Variants in NR3C2 observed in about 807,000 individuals in gnomAD.
NR3C2 encodes the protein nuclear receptor subfamily 3 group C member 2, also known as mineralocorticoid receptor.
NR3C2 carries 15 observed loss-of-function variants against 86.4 expected under a neutral mutation model. That is an observed-to-expected ratio of 0.17 (90% CI 0.12 to 0.27). The LOEUF is 0.27. Ranked by LOEUF, NR3C2 falls within the 10% of genes least tolerant of loss-of-function variation. The pLI is 1.00. For synonymous variants in NR3C2, 458 were observed against 450.5 expected (o/e 1.02, Z -0.21); for missense variants, 960 against 1,195.6 (o/e 0.80, Z 2.91).
At chr4:148,326,408 T>C (rs914133137) in intron 2 of NR3C2, among the ~76,000 whole-genome samples, 4 of 151,156 alleles carry the variant, frequency 2.6e-5, no homozygotes, top group African/African-American at 9.7e-5. Flanking sequence ...CTCAAATAAA[T>C]AAATAAATAA....
chr4:148,287,923 T>TTTA (rs1477452577), intron 2 of NR3C2, among the ~76,000 whole-genome samples: 1 of 152,160 alleles, frequency 6.6e-6, no homozygotes, highest in Non-Finnish European at 1.5e-5. Context: ...GAAATACTTT[T>TTTA]TAAAAACACT....
chr4:148,372,887 C>T (rs1746488225), intron 2 of NR3C2, among the ~76,000 whole-genome samples: 1 of 152,158 alleles, frequency 6.6e-6, no homozygotes, highest in Non-Finnish European at 1.5e-5. Context: ...GCCAGGAGTG[C>T]AACCCTCTCT....
At chr4:148,407,458 T>C (rs956964893) in intron 2 of NR3C2, among the ~76,000 whole-genome samples, 12 of 152,016 alleles carry the variant, frequency 7.9e-5, no homozygotes, top group Admixed American at 7.9e-4. Context: ...CTCAAACATA[T>C]AATTAGTTTT....
intron 3 of NR3C2, chr4:148,208,627 TC>T (rs200258766): frequency 0.019 from 2,852 of 152,330 alleles, 40 homozygotes; most frequent in Middle Eastern, 0.037. Flanking sequence ...TGCAGTCTCC[TC>T]CTACACCCAA....
chr4:148,187,186 G>A (rs1313211819), intron 4 of NR3C2, among the ~76,000 whole-genome samples: 3 of 151,618 alleles, frequency 2.0e-5, no homozygotes, highest in South Asian at 2.1e-4. Context: ...GCGTGTACAA[G>A]TATATCTTTC....
chr4:148,435,563 T>G lies in NR3C2; in HGVS notation c.1298A>C (p.Lys433Thr), dbSNP rs915790262. 2 of 1,614,110 alleles carry G rather than the reference T, an allele frequency of 1.2e-6. No homozygotes were observed. The highest frequency in any genetic ancestry group is 1.7e-6 in the Non-Finnish European group (2 of 1,180,024). Residue 433 changes from lysine (K) to threonine (T), a missense_variant, in exon 2 of 9, where the codon AAG (lysine) becomes ACG (threonine). Physicochemically the swap from Lys to Thr is moderately conservative, Grantham distance 78. Transcript: ENST00000358102. ...AAAAGAGGTGCCTGAACATGAATGC[T>G]TGGTTGATTCTTGCTTTATTGGTAC... ...FSVPIKQESTKHSCSGTSFKG... is the reference protein window; with the variant it reads ...FSVPIKQESTTHSCSGTSFKG...
At chr4:148,187,326 T>C (rs1015833564) in intron 4 of NR3C2, among the ~76,000 whole-genome samples, 2 of 152,072 alleles carry the variant, frequency 1.3e-5, no homozygotes, top group Admixed American at 6.6e-5. Flanking sequence ...CCACCAGCAG[T>C]GTAGAAGTGT....
rs1285178461 is a variant in NR3C2, at chr4:148,353,561, T to G, written c.1757+81543A>C. 2.0e-5 allele frequency among the ~76,000 whole-genome samples: 3 copies of G among 152,180 alleles called. No individual in the cohort carries two copies. The East Asian group carries it at 5.8e-4, about 29-fold the overall frequency. On this transcript the variant is annotated intron_variant, in intron 2 of 8. Coordinates refer to ENST00000358102, the MANE Select transcript of NR3C2 (RefSeq NM_000901.5). Reference sequence around the variant, plus strand: ...TACACAAAAGCATACAATTTTTCCTTTTAAAAATATGTATAGACAGGTATA... The same window carrying G: ...TACACAAAAGCATACAATTTTTCCTGTTAAAAATATGTATAGACAGGTATA...
intron 6 of NR3C2, among the ~76,000 whole-genome samples, chr4:148,136,611 C>T (rs902531377): frequency 4.6e-5 from 7 of 152,120 alleles, no homozygotes; most frequent in Non-Finnish European, 7.4e-5. Flanking sequence ...CAGTTTTGCC[C>T]GGCAGCTTTC....
intron 8 of NR3C2, among the ~76,000 whole-genome samples, chr4:148,099,474 C>T (rs1731438127): frequency 6.6e-6 from 1 of 152,120 alleles, no homozygotes; most frequent in African/African-American, 2.4e-5. Flanking sequence ...ATTTAATCAC[C>T]CCATCTTAAT....
At chr4:148,326,259 G>C (rs909821833) in intron 2 of NR3C2, among the ~76,000 whole-genome samples, 3 of 151,060 alleles carry the variant, frequency 2.0e-5, no homozygotes, top group African/African-American at 7.3e-5. Context: ...AAATTAGCCG[G>C]GCATGGTGGC....
At chr4:148,135,720 A>G (rs960950581) in intron 6 of NR3C2, among the ~76,000 whole-genome samples, 4 of 151,994 alleles carry the variant, frequency 2.6e-5, no homozygotes, top group African/African-American at 4.8e-5. Context: ...AGGAGCAACC[A>G]TCTCAAAGAA....
intron 2 of NR3C2, among the ~76,000 whole-genome samples, chr4:148,402,196 A>G (rs976359579): frequency 2.0e-5 from 3 of 152,186 alleles, no homozygotes; most frequent in African/African-American, 7.2e-5. Flanking sequence ...GACAGACATA[A>G]CAATTACCTT....
chr4:148,328,608 C>T (rs963558433), intron 2 of NR3C2, among the ~76,000 whole-genome samples: 8 of 152,168 alleles, frequency 5.3e-5, no homozygotes, highest in Non-Finnish European at 8.8e-5. Context: ...TTCTTGTCCT[C>T]TCCTCTGTAT....
chr4:148,366,015 C>T (rs1012685285), intron 2 of NR3C2, among the ~76,000 whole-genome samples: 3 of 151,990 alleles, frequency 2.0e-5, no homozygotes, highest in African/African-American at 7.2e-5. Context: ...AACAAAAAAA[C>T]CCCAGAAAAC....
intron 3 of NR3C2, among the ~76,000 whole-genome samples, chr4:148,206,054 T>C (rs1244159300): frequency 6.6e-6 from 1 of 152,146 alleles, no homozygotes; most frequent in Non-Finnish European, 1.5e-5. Context: ...CCAGGTCTAA[T>C]TTGTGTTTTG....
chr4:148,184,021 T>C (rs1735764220), intron 4 of NR3C2, among the ~76,000 whole-genome samples: 1 of 152,044 alleles, frequency 6.6e-6, no homozygotes, highest in African/African-American at 2.4e-5. Flanking sequence ...GGGACACTGA[T>C]AAACACCCTA....
chr4:148,268,147 G>A (rs982952272), intron 2 of NR3C2, among the ~76,000 whole-genome samples: 3 of 151,930 alleles, frequency 2.0e-5, no homozygotes, highest in Non-Finnish European at 2.9e-5. Context: ...CACCATCTTG[G>A]CCAGGCTGGT....
At chr4:148,442,941 C>G, upstream of NR3C2, 6 of 985,316 alleles carry the variant, frequency 6.1e-6, no homozygotes, top group Non-Finnish European at 7.2e-6. Flanking sequence ...TCCCCTCACG[C>G]TCTCCACCTG....
Sources: gnomAD v4.1 joint callset for allele counts (sites outside exome capture counted in the v4.1 genomes callset) on GRCh38, gnomAD v4.1.1 for gene constraint, MANE v1.5 for transcripts, NCBI Gene and HGNC (gene_info 2026-07-23, HGNC 2026-07-21) for gene names.